DIP2C: variants seen among roughly 807,000 people sequenced by gnomAD.
DIP2C encodes the protein disco-interacting protein 2 homolog C.
In DIP2C, 33 loss-of-function variants were observed where a neutral mutation model predicts 192.4. That is an observed-to-expected ratio of 0.17 (90% CI 0.13 to 0.23). The LOEUF is 0.23. Among genes scored for constraint, DIP2C ranks in the 10% least tolerant of loss-of-function variants. The pLI is 1.00. For synonymous variants in DIP2C, 979 were observed against 864.1 expected (o/e 1.13, Z -2.33); for missense variants, 1,537 against 2,110.1 (o/e 0.73, Z 5.32).
At chr10:510,354 C>T (rs867828864) in intron 1 of DIP2C, among the ~76,000 whole-genome samples, 5 of 152,216 alleles carry the variant, frequency 3.3e-5, no homozygotes. Context: ...GCTGGGTATT[C>T]GGCATTTTAA....
chr10:424,524 A>C (rs1336483646), intron 4 of DIP2C, among the ~76,000 whole-genome samples: 1 of 151,530 alleles, frequency 6.6e-6, no homozygotes, highest in Non-Finnish European at 1.5e-5. Context: ...TACCACTATG[A>C]CCGGCTAATT....
chr10:466,555 A>G (rs1366166193), intron 3 of DIP2C, among the ~76,000 whole-genome samples: 1 of 134,222 alleles, frequency 7.5e-6, no homozygotes, highest in East Asian at 2.4e-4. Context: ...TGATTAAACT[A>G]AAGAGCTTCT....
chr10:449,920 C>CAACAAAAAAAAAAAAA (rs1408389732), intron 3 of DIP2C, among the ~76,000 whole-genome samples: 1 of 135,912 alleles, frequency 7.4e-6, no homozygotes, highest in Non-Finnish European at 1.5e-5. Context: ...TCAACAACAA[C>CAACAAAAAAAAAAAAA]AAAAAAAAAA....
chr10:513,256 A>G (rs1179598177), intron 1 of DIP2C, among the ~76,000 whole-genome samples: 1 of 152,234 alleles, frequency 6.6e-6, no homozygotes, highest in Non-Finnish European at 1.5e-5. Context: ...AGAAATAAAC[A>G]TAAGCTACTA....
At chr10:383,670 T>C (rs1248607909) in intron 16 of DIP2C, among the ~76,000 whole-genome samples, 1 of 152,186 alleles carries the variant, frequency 6.6e-6, no homozygotes, top group Non-Finnish European at 1.5e-5. Context: ...CTTACTTCAC[T>C]TCATCCTCAT....
At chr10:472,002 G>T (rs7903826) in intron 3 of DIP2C, among the ~76,000 whole-genome samples, 125,848 of 152,096 alleles carry the variant, frequency 0.83, 55,475 homozygotes, top group Non-Finnish European at 0.96. Flanking sequence ...AGACAACCCT[G>T]TGCAGACGGC....
Position 440,905 on chromosome 10 carries a change from G to C in DIP2C, c.360C>G (p.Val120=). The C allele has an allele frequency of 6.2e-7, 1 of 1,613,668 alleles. No homozygotes were observed. Among genetic ancestry groups the C allele is most frequent in the Non-Finnish European group, 8.5e-7 (1 of 1,180,018 alleles). The change falls in exon 4 of 37, where the codon GTC becomes GTG. Residue 120 remains valine (V), a synonymous_variant. Coordinates refer to ENST00000280886, the MANE Select transcript of DIP2C (RefSeq NM_014974.3). ...TGTAGGCGTCCATCGAGGTCTGCAC[G>C]ACCAGGGACCTGCGTTTGGAAGGCA... is the stretch of plus-strand genomic sequence containing the variant. ...VPMPSKRRSL[V]VQTSMDAYTP... is the part of the protein sequence containing the mutation.
At chr10:447,924 T>A (rs1188406787) in intron 3 of DIP2C, among the ~76,000 whole-genome samples, 1 of 97,086 alleles carries the variant, frequency 1.0e-5, no homozygotes, top group Non-Finnish European at 1.9e-5. Flanking sequence ...CATCCCTGTC[T>A]ATACTCAGGA....
intron 1 of DIP2C, among the ~76,000 whole-genome samples, chr10:634,339 A>G (rs1402719890): frequency 1.3e-5 from 2 of 152,196 alleles, no homozygotes; most frequent in Admixed American, 1.3e-4. Flanking sequence ...CTGCCCGTCC[A>G]AGGCAGCTAC....
intron 1 of DIP2C, among the ~76,000 whole-genome samples, chr10:532,328 T>G (rs1318296560): frequency 1.3e-5 from 2 of 151,828 alleles, no homozygotes; most frequent in Non-Finnish European, 2.9e-5. Context: ...CTTAAGCCAC[T>G]CCCTCTCTCC....
At chr10:303,525 T>A (rs540129023) in intron 32 of DIP2C, among the ~76,000 whole-genome samples, 168 of 151,936 alleles carry the variant, frequency 1.1e-3, no homozygotes, top group African/African-American at 4.0e-3. Context: ...TTTTTACTTT[T>A]TTTTTTTCTT....
At position 532,544 on chromosome 10, in the gene DIP2C, T is replaced by TATGGGTGAGAGAGAGTATGGGTGAGA. The variant is rs1554892908; in HGVS notation, c.86-46015_86-46014insTCTCACCCATACTCTCTCTCACCCAT. On this transcript the variant is annotated intron_variant, in intron 1 of 36. Coordinates refer to ENST00000280886, the MANE Select transcript of DIP2C (RefSeq NM_014974.3). ...GTGGGTGTGTGAGAGAGTATGGGTG[T>TATGGGTGAGAGAGAGTATGGGTGAGA]GAGAGAGTATGGGTGAGAGAGAGAG... Among the ~76,000 whole-genome samples, 3 of 113,320 alleles carry TATGGGTGAGAGAGAGTATGGGTGAGA rather than the reference T, an allele frequency of 2.6e-5. 1 individual carries two copies. Among genetic ancestry groups the TATGGGTGAGAGAGAGTATGGGTGAGA allele is most frequent in the East Asian group, 2.9e-4 (1 of 3,480 alleles). 74.3% of individuals were successfully genotyped at this position (113,320 alleles called of 152,430 possible).
At chr10:311,215 G>A (rs1251012787) in intron 31 of DIP2C, among the ~76,000 whole-genome samples, 1 of 152,058 alleles carries the variant, frequency 6.6e-6, no homozygotes, top group Non-Finnish European at 1.5e-5. Context: ...GCAGAGAACC[G>A]GCCCACAGTG....
intron 1 of DIP2C, among the ~76,000 whole-genome samples, chr10:540,365 C>T (rs1261338368): frequency 6.6e-6 from 1 of 152,256 alleles, no homozygotes; most frequent in Non-Finnish European, 1.5e-5. Flanking sequence ...GGGAAAGCTG[C>T]CCGGCCCAGC....
At chr10:292,317 G>A (rs1018726640) in intron 32 of DIP2C, among the ~76,000 whole-genome samples, 1 of 152,204 alleles carries the variant, frequency 6.6e-6, no homozygotes, top group African/African-American at 2.4e-5. Flanking sequence ...ATTTAACTGT[G>A]TGTCTGAATA....
intron 1 of DIP2C, among the ~76,000 whole-genome samples, chr10:599,665 A>AC (rs1055510781): frequency 2.0e-5 from 3 of 151,924 alleles, no homozygotes; most frequent in Admixed American, 2.0e-4. Context: ...TGGACAGAGG[A>AC]CCCCCTGGGG....
intron 1 of DIP2C, among the ~76,000 whole-genome samples, chr10:615,681 C>T (rs948770732): frequency 1.3e-5 from 2 of 152,104 alleles, no homozygotes; most frequent in Non-Finnish European, 2.9e-5. Flanking sequence ...CGCATTTCAC[C>T]GACAGATGAC....
intron 1 of DIP2C, chr10:650,525 T>A: frequency 1.5e-6 from 1 of 679,104 alleles, no homozygotes; most frequent in Non-Finnish European, 2.7e-6. Flanking sequence ...CCCCAGCTGG[T>A]CCCCCCATGA....
At chr10:673,334 G>C (rs1288553765) in intron 1 of DIP2C, among the ~76,000 whole-genome samples, 5 of 152,214 alleles carry the variant, frequency 3.3e-5, no homozygotes, top group Admixed American at 3.3e-4. Flanking sequence ...TGTACAAAGA[G>C]AGCAATGCTG....
Sources: gnomAD v4.1 joint callset for allele counts (sites outside exome capture counted in the v4.1 genomes callset) on GRCh38, gnomAD v4.1.1 for gene constraint, MANE v1.5 for transcripts, NCBI Gene and HGNC (gene_info 2026-07-23, HGNC 2026-07-21) for gene names.